Variants in CNTN4 observed in about 807,000 individuals in gnomAD.
CNTN4 encodes contactin-4.
A neutral mutation model predicts 122.5 loss-of-function variants in CNTN4; 77 were observed. The observed-to-expected ratio is 0.63, with a 90% CI of 0.52 to 0.76. The LOEUF (loss-of-function observed/expected upper bound fraction) is 0.76, where lower values mean the gene tolerates loss of function less well. Among genes scored for constraint, CNTN4 ranks in the 30% least tolerant of loss-of-function variants. CNTN4 has a pLI of 0.00. For missense variants in CNTN4, 1,256 were observed against 1,259.1 expected, an observed-to-expected ratio of 1.00 and a Z score of 0.04; for synonymous variants, 512 against 447.0, an observed-to-expected ratio of 1.15 and a Z score of -1.83.
chr3:2,751,120 T>A (rs2090068903), intron 6 of CNTN4, among the ~76,000 whole-genome samples: 1 of 145,526 alleles, frequency 6.9e-6, no homozygotes, highest in East Asian at 2.0e-4. Context: ...GCTAACATGG[T>A]GAAACCCCAT....
intron 3 of CNTN4, among the ~76,000 whole-genome samples, chr3:2,529,457 A>G (rs1241370930): frequency 3.3e-5 from 5 of 152,136 alleles, no homozygotes; most frequent in Non-Finnish European, 7.4e-5. Flanking sequence ...ACTTTCCTTC[A>G]GATATATACC....
chr3:2,102,637 A>G (rs1200171327), intron 2 of CNTN4, among the ~76,000 whole-genome samples: 1 of 152,158 alleles, frequency 6.6e-6, no homozygotes, highest in African/African-American at 2.4e-5. Flanking sequence ...CACTGTGCTT[A>G]CTTGCATCAA....
chr3:2,962,805 G>A (rs1207036644), intron 13 of CNTN4, among the ~76,000 whole-genome samples: 4 of 152,206 alleles, frequency 2.6e-5, no homozygotes, highest in Non-Finnish European at 5.9e-5. Context: ...CTGAGTAGGC[G>A]AAAACAACAA....
At chr3:2,962,454 A>C (rs933262666) in intron 13 of CNTN4, among the ~76,000 whole-genome samples, 1 of 152,246 alleles carries the variant, frequency 6.6e-6, no homozygotes, top group African/African-American at 2.4e-5. Context: ...TAACTCAAGC[A>C]AACAGGAATT....
chr3:2,612,140 A>AC (rs1553583671), intron 4 of CNTN4, among the ~76,000 whole-genome samples: 2 of 142,642 alleles, frequency 1.4e-5, no homozygotes, highest in African/African-American at 2.6e-5. Context: ...ACACACACAC[A>AC]ACAGACAGAG....
chr3:2,434,483 A>G (rs1488456553), intron 3 of CNTN4, among the ~76,000 whole-genome samples: 1 of 152,208 alleles, frequency 6.6e-6, no homozygotes, highest in Non-Finnish European at 1.5e-5. Context: ...CTTCAGTTGA[A>G]CAAAGATTGT....
chr3:2,476,328 C>A (rs1345232291), intron 3 of CNTN4, among the ~76,000 whole-genome samples: 1 of 152,158 alleles, frequency 6.6e-6, no homozygotes, highest in Non-Finnish European at 1.5e-5. Context: ...ACTGCAGGAT[C>A]TTGAGTACAT....
At chr3:2,379,493 T>C (rs926445649) in intron 3 of CNTN4, among the ~76,000 whole-genome samples, 1 of 152,220 alleles carries the variant, frequency 6.6e-6, no homozygotes, top group Admixed American at 6.5e-5. Flanking sequence ...GATGAAGATA[T>C]TGCATCCGGA....
intron 13 of CNTN4, among the ~76,000 whole-genome samples, chr3:2,970,839 G>A (rs1692834411): frequency 6.6e-6 from 1 of 152,134 alleles, no homozygotes; most frequent in African/African-American, 2.4e-5. Flanking sequence ...CCAGGCTGGA[G>A]TGCAGTGGCG....
intron 4 of CNTN4, among the ~76,000 whole-genome samples, chr3:2,636,361 A>C (rs992614170): frequency 1.3e-5 from 2 of 152,188 alleles, no homozygotes; most frequent in African/African-American, 4.8e-5. Flanking sequence ...TGCTTATGTA[A>C]ATTAGACATA....
intron 3 of CNTN4, among the ~76,000 whole-genome samples, chr3:2,463,131 C>G (rs888646470): frequency 4.0e-5 from 6 of 151,576 alleles, no homozygotes; most frequent in African/African-American, 1.5e-4. Flanking sequence ...AGTGTCTTGT[C>G]CAAATACAAA....
chr3:2,257,519 A>G lies in CNTN4; in HGVS notation c.-144-81659A>G, dbSNP rs147361177. On this transcript the variant is annotated intron_variant, in intron 2 of 24. Coordinates refer to ENST00000418658, the MANE Select transcript of CNTN4 (RefSeq NM_175607.3). ...GAACAGGCAACACAGTATAAGAGAA[A>G]ATTTTTGCAATCTATCCATCTGAAA... Among the ~76,000 whole-genome samples the G allele has an allele frequency of 4.6e-5, 7 of 152,300 alleles. No individual in the cohort carries two copies. The East Asian group carries it at 1.3e-3, about 29-fold the overall frequency.
intron 6 of CNTN4, among the ~76,000 whole-genome samples, chr3:2,790,775 C>T (rs534465508): frequency 6.6e-6 from 1 of 152,290 alleles, no homozygotes; most frequent in Non-Finnish European, 1.5e-5. Flanking sequence ...CCATTCATAA[C>T]TTGTGCATTT....
At chr3:2,330,464 AAAGACTT>A (rs1418928702) in intron 2 of CNTN4, among the ~76,000 whole-genome samples, 4 of 152,136 alleles carry the variant, frequency 2.6e-5, no homozygotes, top group African/African-American at 9.7e-5. Flanking sequence ...TACCCTTCTA[AAAGACTT>A]ATCACTTTGG....
chr3:2,788,585 G>GA (rs955158286), intron 6 of CNTN4, among the ~76,000 whole-genome samples: 35 of 152,110 alleles, frequency 2.3e-4, no homozygotes, highest in Non-Finnish European at 8.8e-5. Flanking sequence ...ACAATCTTTG[G>GA]AAAAATATAC....
At chr3:2,606,899 T>G (rs934700642) in intron 4 of CNTN4, among the ~76,000 whole-genome samples, 4 of 152,188 alleles carry the variant, frequency 2.6e-5, no homozygotes, top group African/African-American at 9.6e-5. Flanking sequence ...TTGGTGTTGG[T>G]TAAAAATGAT....
intron 13 of CNTN4, among the ~76,000 whole-genome samples, chr3:2,942,889 G>C (rs1430702264): frequency 6.6e-6 from 1 of 152,116 alleles, no homozygotes; most frequent in Non-Finnish European, 1.5e-5. Context: ...TAGGGTTTCA[G>C]GGAGCAAAAA....
chr3:2,261,871 T>C (rs1057013007), intron 2 of CNTN4, among the ~76,000 whole-genome samples: 1 of 152,172 alleles, frequency 6.6e-6, no homozygotes, highest in African/African-American at 2.4e-5. Context: ...GTGGGATGCA[T>C]GTTGAAAGCG....
intron 3 of CNTN4, among the ~76,000 whole-genome samples, chr3:2,559,927 G>A (rs1559235337): frequency 6.6e-6 from 1 of 152,122 alleles, no homozygotes; most frequent in East Asian, 1.9e-4. Context: ...GTGCTTGCTG[G>A]TACAGTGTCT....
Sources: gnomAD v4.1 joint callset for allele counts (sites outside exome capture counted in the v4.1 genomes callset) on GRCh38, gnomAD v4.1.1 for gene constraint, MANE v1.5 for transcripts, NCBI Gene and HGNC (gene_info 2026-07-23, HGNC 2026-07-21) for gene names.